Variants in PARP8 observed in about 807,000 individuals in gnomAD.
The protein encoded by PARP8 is protein mono-ADP-ribosyltransferase PARP8.
A neutral mutation model predicts 124.1 loss-of-function variants in PARP8; 51 were observed. That is an observed-to-expected ratio of 0.41 (90% CI 0.33 to 0.52). The LOEUF is 0.52. Ranked by LOEUF, PARP8 falls within the 20% of genes least tolerant of loss-of-function variation. PARP8 has a pLI of 0.21. For missense variants in PARP8, 860 were observed against 1,018.9 expected (o/e 0.84, Z 2.12); for synonymous variants, 391 against 361.5 (o/e 1.08, Z -0.93).
At chr5:50,814,916 C>T (rs1260811379) in intron 14 of PARP8, among the ~76,000 whole-genome samples, 2 of 151,972 alleles carry the variant, frequency 1.3e-5, no homozygotes, top group South Asian at 2.1e-4. Flanking sequence ...ATAACCGTTT[C>T]GTTTGCAACA....
At chr5:50,776,050 T>C (rs1354406560) in intron 7 of PARP8, among the ~76,000 whole-genome samples, 4 of 152,174 alleles carry the variant, frequency 2.6e-5, no homozygotes, top group Non-Finnish European at 5.9e-5. Context: ...TTGGCCTCTA[T>C]TGTGTTATGT....
At chr5:50,671,749 G>C (rs1295362853) in intron 2 of PARP8, among the ~76,000 whole-genome samples, 1 of 151,948 alleles carries the variant, frequency 6.6e-6, no homozygotes, top group Non-Finnish European at 1.5e-5. Context: ...TGAGACTAAA[G>C]AATGTTTATT....
At chr5:50,824,004 A>T (rs1746061008) in intron 17 of PARP8, among the ~76,000 whole-genome samples, 1 of 152,234 alleles carries the variant, frequency 6.6e-6, no homozygotes, top group Non-Finnish European at 1.5e-5. Flanking sequence ...AAACTTTCTG[A>T]ATAAATACAA....
chr5:50,772,760 C>A (rs1382895722), intron 7 of PARP8, among the ~76,000 whole-genome samples: 1 of 152,006 alleles, frequency 6.6e-6, no homozygotes, highest in African/African-American at 2.4e-5. Flanking sequence ...GCAGTAGTGC[C>A]ATCTTGGCTC....
intron 2 of PARP8, among the ~76,000 whole-genome samples, chr5:50,673,129 C>T (rs934990503): frequency 6.6e-6 from 1 of 151,984 alleles, no homozygotes; most frequent in African/African-American, 2.4e-5. Context: ...AAAGTGTGTT[C>T]CTTGGAGTCC....
intron 2 of PARP8, among the ~76,000 whole-genome samples, chr5:50,689,029 T>C (rs1450000923): frequency 8.2e-6 from 1 of 122,634 alleles, no homozygotes; most frequent in Admixed American, 1.1e-4. Context: ...TTTTTTTTTT[T>C]TGATTTTTTT....
At chr5:50,774,472 C>G (rs908100757) in intron 7 of PARP8, among the ~76,000 whole-genome samples, 1 of 150,088 alleles carries the variant, frequency 6.7e-6, no homozygotes, top group Non-Finnish European at 1.5e-5. Context: ...AGGCGCTCCT[C>G]ACTTCCCAGA....
At chr5:50,732,278 A>T (rs1229424659) in intron 2 of PARP8, among the ~76,000 whole-genome samples, 1 of 152,216 alleles carries the variant, frequency 6.6e-6, no homozygotes, top group Non-Finnish European at 1.5e-5. Flanking sequence ...GGAAAAATGA[A>T]TTATATACAA....
intron 14 of PARP8, among the ~76,000 whole-genome samples, chr5:50,805,058 CA>C (rs756797461): frequency 1.3e-5 from 2 of 151,940 alleles, no homozygotes; most frequent in Non-Finnish European, 2.9e-5. Context: ...TCCAGAATAC[CA>C]AAAGAGTTGA....
rs139673678 is a variant in PARP8, at chr5:50,709,805, C to T, written c.147-40346C>T. On this transcript the variant is annotated intron_variant, in intron 2 of 25. Coordinates refer to ENST00000281631, the MANE Select transcript of PARP8 (RefSeq NM_024615.4). ...AGGAACCAAAAGAGAGATAAATAGA[C>T]AAAGAGTCAGAGATGGATGGATGGA... 3.4e-3 allele frequency among the ~76,000 whole-genome samples: 514 copies of T among 149,538 alleles called. 3 individuals are homozygous for T. Among genetic ancestry groups the T allele is most frequent in the African/African-American group, 0.012 (496 of 40,716 alleles).
At chr5:50,770,724 C>A (rs374717624) in intron 7 of PARP8, among the ~76,000 whole-genome samples, 1 of 149,994 alleles carries the variant, frequency 6.7e-6, no homozygotes, top group South Asian at 2.1e-4. Context: ...AGAAAGAAAA[C>A]GAAGGAAAGA....
chr5:50,802,263 G>A (rs1442489054), intron 14 of PARP8, among the ~76,000 whole-genome samples: 1 of 151,996 alleles, frequency 6.6e-6, no homozygotes, highest in African/African-American at 2.4e-5. Flanking sequence ...TTGCTCTAGG[G>A]ATTACAATTA....
chr5:50,764,049 G>A (rs1436080248), intron 7 of PARP8, among the ~76,000 whole-genome samples: 1 of 152,172 alleles, frequency 6.6e-6, no homozygotes, highest in Admixed American at 6.5e-5. Context: ...TCCCACTGCT[G>A]TCTGTATTTA....
chr5:50,741,639 G>A lies in PARP8; in HGVS notation c.147-8512G>A, dbSNP rs1266675735. On this transcript the variant is annotated intron_variant, in intron 2 of 25. Transcript: ENST00000281631. ...ATTACTTTTGATCCTGTTACTTCAC[G>A]TGCTGAAAGTATAACTTAAAAAATT... 2.6e-5 allele frequency among the ~76,000 whole-genome samples: 4 copies of A among 152,162 alleles called. No homozygotes were observed. In the Middle Eastern group the frequency reaches 0.01, roughly 388 times the overall value.
intron 9 of PARP8, among the ~76,000 whole-genome samples, chr5:50,785,525 C>T (rs1437279220): frequency 5.9e-5 from 9 of 152,180 alleles, no homozygotes; most frequent in Admixed American, 5.2e-4. Flanking sequence ...CTTAAATCTT[C>T]TTAGAGAAAA....
At chr5:50,730,269 A>G (rs185113176) in intron 2 of PARP8, among the ~76,000 whole-genome samples, 40 of 152,310 alleles carry the variant, frequency 2.6e-4, no homozygotes, top group Admixed American at 9.2e-4. Context: ...TCATGCTGCT[A>G]TGAAGAAATA....
At chr5:50,837,688 A>G in intron 25 of PARP8, among the ~76,000 whole-genome samples, 1 of 152,102 alleles carries the variant, frequency 6.6e-6, no homozygotes, top group African/African-American at 2.4e-5. Flanking sequence ...CATGTTTTCC[A>G]GCAAGTAAGC....
Position 50,797,011 on chromosome 5 carries a change from A to T in PARP8, c.1458A>T (p.Arg486=), listed in dbSNP as rs748780293. 6.2e-7 allele frequency: 1 copy of T among 1,612,924 alleles called. No individual in the cohort carries two copies. Among genetic ancestry groups the T allele is most frequent in the Non-Finnish European group, 8.5e-7 (1 of 1,179,350 alleles). The change falls in exon 13 of 26, where the codon CGA becomes CGT. Residue 486 remains arginine (R), a synonymous_variant. Coordinates refer to ENST00000281631, the MANE Select transcript of PARP8 (RefSeq NM_024615.4). The part of the protein sequence containing the change: ...APNGAKCIPV[R]DRGFLVQTIE... ...ATGGTGCAAAATGCATTCCAGTACG[A>T]GACCGTGGCTTCCTGGTGCAGGTAT... is the stretch of plus-strand genomic sequence containing the variant.
At chr5:50,740,181 G>A (rs1019681426) in intron 2 of PARP8, among the ~76,000 whole-genome samples, 1 of 152,170 alleles carries the variant, frequency 6.6e-6, no homozygotes, top group African/African-American at 2.4e-5. Flanking sequence ...GGATTTAGCA[G>A]GGGAAGCAAA....
Sources: allele counts gnomAD v4.1 joint callset (sites outside exome capture counted in the v4.1 genomes callset), GRCh38; gene constraint gnomAD v4.1.1; transcripts MANE v1.5; gene names NCBI Gene and HGNC (gene_info 2026-07-23, HGNC 2026-07-21).